The following ASIC5 variants were observed in gnomAD, a reference collection of about 807,000 sequenced individuals.
ASIC5 encodes bile acid-sensitive ion channel.
In ASIC5, 52 loss-of-function variants were observed where a neutral mutation model predicts 51.2. That is an observed-to-expected ratio of 1.02 (90% CI 0.81 to 1.28). ASIC5 has a LOEUF of 1.28. ASIC5 is among the 50% of genes most tolerant of loss of function. The pLI is 0.00. For synonymous variants in ASIC5, 231 were observed against 200.7 expected (o/e 1.15, Z -1.28); for missense variants, 635 against 595.0 (o/e 1.07, Z -0.70).
chr4:155,833,226 G>A (rs1281740328), intron 8 of ASIC5, among the ~76,000 whole-genome samples: 3 of 152,060 alleles, frequency 2.0e-5, no homozygotes, highest in Non-Finnish European at 4.4e-5. Flanking sequence ...CAAATGAATG[G>A]ATCAATATTA....
In ASIC5 at chr4:155,831,886, T is replaced by C. The variant is rs779729362; in HGVS notation, c.1265A>G (p.Tyr422Cys). The change falls in exon 9 of 10, where the codon TAT becomes TGT. Residue 422 changes from tyrosine to cysteine, a missense_variant. Physicochemically the swap from Tyr to Cys is radical, Grantham distance 194 (BLOSUM62 -2). Transcript: ENST00000537611. ...RENLVKIEINYSDLNYKITQQ... is the reference protein window; with the variant it reads ...RENLVKIEINCSDLNYKITQQ... The stretch of plus-strand genomic sequence containing the variant: ...GGTTATCTTATAGTTTAGGTCACTA[T>C]AGTTAATTTCAATTTTTACAAGATT... 5 of 1,602,714 alleles carry C rather than the reference T, an allele frequency of 3.1e-6. No individual in the cohort carries two copies. Among genetic ancestry groups the C allele is most frequent in the East Asian group, 2.2e-5 (1 of 44,572 alleles).
intron 2 of ASIC5, among the ~76,000 whole-genome samples, chr4:155,861,673 A>T (rs1049641797): frequency 2.6e-5 from 4 of 152,040 alleles, no homozygotes; most frequent in Non-Finnish European, 4.4e-5. Context: ...ATTTAATTTC[A>T]TTAGTAATAT....
chr4:155,831,010 G>A (rs970571975), intron 9 of ASIC5, among the ~76,000 whole-genome samples: 1 of 152,202 alleles, frequency 6.6e-6, no homozygotes, highest in Non-Finnish European at 1.5e-5. Context: ...TTTTGCCTGA[G>A]TCTAAGGCCT....
At chr4:155,848,586 G>A (rs1027064371) in intron 4 of ASIC5, among the ~76,000 whole-genome samples, 3 of 151,952 alleles carry the variant, frequency 2.0e-5, no homozygotes, top group African/African-American at 7.2e-5. Flanking sequence ...CTTGTCAATT[G>A]TGTCTTTGAC....
intron 4 of ASIC5, among the ~76,000 whole-genome samples, chr4:155,849,364 T>G (rs1741327126): frequency 6.6e-6 from 1 of 152,022 alleles, no homozygotes; most frequent in African/African-American, 2.4e-5. Flanking sequence ...TTAAAAAGTC[T>G]TATCTGACAT....
intron 6 of ASIC5, among the ~76,000 whole-genome samples, chr4:155,839,911 T>C (rs986705064): frequency 6.6e-6 from 1 of 152,106 alleles, no homozygotes; most frequent in Non-Finnish European, 1.5e-5. Context: ...AAATAACCAA[T>C]ATCTGAAAAG....
intron 2 of ASIC5, 33 bp downstream of exon 2, chr4:155,863,415 G>T: frequency 6.7e-7 from 1 of 1,503,374 alleles, no homozygotes; most frequent in Non-Finnish European, 9.1e-7. Flanking sequence ...CAAATTTATA[G>T]GAACTAATTA....
At chr4:155,850,109 ATTT>A (rs147406019) in intron 4 of ASIC5, among the ~76,000 whole-genome samples, 1 of 149,900 alleles carries the variant, frequency 6.7e-6, no homozygotes, top group Non-Finnish European at 1.5e-5. Context: ...TCTCCTAAAG[ATTT>A]TTTTTTTAAA....
intron 8 of ASIC5, among the ~76,000 whole-genome samples, chr4:155,835,666 A>G (rs936021133): frequency 6.6e-6 from 1 of 152,206 alleles, no homozygotes; most frequent in African/African-American, 2.4e-5. Context: ...ATATAAATAG[A>G]TGTCTGTGCT....
intron 4 of ASIC5, among the ~76,000 whole-genome samples, chr4:155,847,053 A>G (rs1741265749): frequency 6.6e-6 from 1 of 152,126 alleles, no homozygotes; most frequent in Non-Finnish European, 1.5e-5. Context: ...GTCCTAAAAT[A>G]AAATGACTGG....
intron 7 of ASIC5, among the ~76,000 whole-genome samples, chr4:155,837,522 C>T (rs1741012969): frequency 6.6e-6 from 1 of 152,132 alleles, no homozygotes; most frequent in Non-Finnish European, 1.5e-5. Context: ...TCTCACTGCT[C>T]CTCATTCATG....
chr4:155,846,748 G>A (rs1021103224), intron 4 of ASIC5, among the ~76,000 whole-genome samples: 1 of 152,020 alleles, frequency 6.6e-6, no homozygotes, highest in Non-Finnish European at 1.5e-5. Context: ...AATACTTGTA[G>A]ACAAACATGT....
intron 1 of ASIC5, chr4:155,864,430 G>A (rs565732056): frequency 6.6e-6 from 1 of 152,190 alleles, no homozygotes; most frequent in Admixed American, 6.6e-5. Flanking sequence ...AACCAGGGAA[G>A]GTAACACTAA....
At chr4:155,831,537 C>T (rs1740869678) in intron 9 of ASIC5, among the ~76,000 whole-genome samples, 1 of 152,050 alleles carries the variant, frequency 6.6e-6, no homozygotes, top group Non-Finnish European at 1.5e-5. Flanking sequence ...CTCAGGAGGC[C>T]AATGTGGGCG....
intron 9 of ASIC5, among the ~76,000 whole-genome samples, chr4:155,830,492 A>G (rs1282877942): frequency 6.6e-6 from 1 of 152,208 alleles, no homozygotes; most frequent in African/African-American, 2.4e-5. Context: ...TGCATTCATA[A>G]TATTTCCTTT....
intron 4 of ASIC5, among the ~76,000 whole-genome samples, chr4:155,847,419 A>G (rs886654719): frequency 6.6e-6 from 1 of 152,158 alleles, no homozygotes; most frequent in Non-Finnish European, 1.5e-5. Flanking sequence ...GCAGATTCCA[A>G]TAAAAATAAA....
intron 1 of ASIC5, 84 bp downstream of exon 1, chr4:155,866,103 G>A: frequency 1.2e-6 from 1 of 822,570 alleles, no homozygotes; most frequent in Non-Finnish European, 1.9e-6. Flanking sequence ...TTTCCCAAAT[G>A]AAGAAAAAAA....
intron 2 of ASIC5, among the ~76,000 whole-genome samples, chr4:155,863,139 T>C (rs77942077): frequency 0.029 from 4,388 of 152,168 alleles, 94 homozygotes; most frequent in South Asian, 0.059. Context: ...GCCTAGGAGT[T>C]TGAGAATAGT....
chr4:155,843,646 T>C, intron 5 of ASIC5, 35 bp downstream of exon 5: 2 of 1,610,226 alleles, frequency 1.2e-6, no homozygotes, highest in Non-Finnish European at 1.7e-6. Flanking sequence ...ATGCATTCAC[T>C]ACCCCACCTA....
Sources: gnomAD v4.1 joint callset for allele counts (sites outside exome capture counted in the v4.1 genomes callset) on GRCh38, gnomAD v4.1.1 for gene constraint, MANE v1.5 for transcripts, NCBI Gene and HGNC (gene_info 2026-07-23, HGNC 2026-07-21) for gene names.